SCAF4: variants seen among roughly 807,000 people sequenced by gnomAD.
SCAF4 encodes the protein SR-related and CTD-associated factor 4.
Under a neutral mutation model 129.8 loss-of-function variants are expected in SCAF4, and 25 were observed. That is an observed-to-expected ratio of 0.19 (90% CI 0.14 to 0.27). SCAF4 has a LOEUF of 0.27. SCAF4 is among the 10% of genes least tolerant of loss of function. SCAF4 has a pLI of 1.00. For synonymous variants in SCAF4, 551 were observed against 497.7 expected (o/e 1.11, Z -1.43); for missense variants, 1,246 against 1,457.1 (o/e 0.86, Z 2.36).
intron 19 of SCAF4, 39 bp downstream of exon 19, chr21:31,685,008 GGT>G (rs2050082754): frequency 1.5e-5 from 12 of 774,608 alleles, no homozygotes; most frequent in East Asian, 7.0e-5. Context: ...GTGGGGGGGG[GGT>G]GGGGCAAGGA....
intron 1 of SCAF4, among the ~76,000 whole-genome samples, chr21:31,708,298 C>G (rs537686684): frequency 6.6e-6 from 1 of 151,966 alleles, no homozygotes; most frequent in Non-Finnish European, 1.5e-5. Context: ...ATCGCTTGAA[C>G]CCAGGAGGCG....
At chr21:31,721,675 A>G (rs1720521558) in intron 1 of SCAF4, among the ~76,000 whole-genome samples, 1 of 152,108 alleles carries the variant, frequency 6.6e-6, no homozygotes, top group Non-Finnish European at 1.5e-5. Flanking sequence ...ACTAAATAAA[A>G]CAGCAAGACT....
intron 19 of SCAF4, 42 bp downstream of exon 19, chr21:31,684,999 TGGGGGGGG>T (rs367618143): frequency 4.3e-5 from 24 of 562,524 alleles, no homozygotes; most frequent in Non-Finnish European, 6.3e-5. Flanking sequence ...GGTGGGGGGG[TGGGGGGGG>T]GGTGGGGCAA....
chr21:31,696,745 C>T lies in SCAF4; in HGVS notation c.783G>A (p.Leu261=), dbSNP rs2050398613. ...PEQKTAFDKK[L]LDRFDYDDEP... ...CATCATCATAGTCAAATCTATCAAG[C>T]AACTTCTGGAATAATTATGTCAATA... is the stretch of plus-strand genomic sequence containing the variant. Residue 261 remains leucine (L), a synonymous_variant, in exon 8 of 20, where the codon TTG becomes TTA. Transcript: ENST00000286835. 6.2e-7 allele frequency: 1 copy of T among 1,601,496 alleles called. No homozygotes were observed. Among genetic ancestry groups the T allele is most frequent in the South Asian group, 1.1e-5 (1 of 90,448 alleles).
At chr21:31,699,666 TTA>T (rs1307055460) in intron 7 of SCAF4, among the ~76,000 whole-genome samples, 1 of 152,190 alleles carries the variant, frequency 6.6e-6, no homozygotes, top group African/African-American at 2.4e-5. Flanking sequence ...CCTTCTGTTT[TTA>T]TAGTTAGGAT....
chr21:31,698,737 G>T (rs185337340), intron 7 of SCAF4, among the ~76,000 whole-genome samples: 31 of 146,602 alleles, frequency 2.1e-4, no homozygotes, highest in Non-Finnish European at 4.7e-5. Flanking sequence ...ATCCTCAGCA[G>T]TGCAACAGAG....
intron 19 of SCAF4, among the ~76,000 whole-genome samples, chr21:31,681,308 G>C (rs2049989174): frequency 1.3e-5 from 2 of 152,176 alleles, no homozygotes; most frequent in Admixed American, 1.3e-4. Context: ...GTTTTTGCTT[G>C]AAAAGATATT....
intron 4 of SCAF4, among the ~76,000 whole-genome samples, chr21:31,703,460 A>G (rs1201030160): frequency 2.6e-5 from 4 of 152,096 alleles, no homozygotes; most frequent in Admixed American, 6.5e-5. Context: ...CTGAAATGTC[A>G]TACCTATTGA....
intron 1 of SCAF4, among the ~76,000 whole-genome samples, chr21:31,714,256 C>T (rs1469142319): frequency 1.3e-5 from 2 of 152,132 alleles, no homozygotes; most frequent in Admixed American, 6.6e-5. Flanking sequence ...GCTCCCCCAA[C>T]ATTATAGCCT....
At chr21:31,728,708 C>T (rs190539000) in intron 1 of SCAF4, among the ~76,000 whole-genome samples, 53 of 152,096 alleles carry the variant, frequency 3.5e-4, no homozygotes, top group African/African-American at 1.2e-3. Context: ...TTTTTCTCCC[C>T]CTTTCAATTT....
chr21:31,692,361 A>C lies in SCAF4; in HGVS notation c.1602T>G (p.Ile534Met). The C allele has an allele frequency of 6.2e-7, 1 of 1,612,492 alleles. No individual in the cohort carries two copies. Among genetic ancestry groups the C allele is most frequent in the Non-Finnish European group, 8.5e-7 (1 of 1,178,554 alleles). Residue 534 changes from isoleucine to methionine, a missense_variant, in exon 13 of 20, where the codon ATT becomes ATG. Ile to Met is a conservative substitution (Grantham distance 10). This residue lies in a region of SCAF4 where 468 missense variants were observed against 605.5 expected (regional missense o/e 0.77). Coordinates refer to ENST00000286835, the MANE Select transcript of SCAF4 (RefSeq NM_020706.2). ...VASLLEEFGPIESINMIPPRG... is the reference protein window; with the variant it reads ...VASLLEEFGPMESINMIPPRG... ...AATAAACACTCACATTAATTGATTC[A>C]ATTGGACCAAACTCTTCCAAGAGAC... is the stretch of plus-strand genomic sequence containing the variant.
chr21:31,671,189 CA>C lies in SCAF4; in HGVS notation c.*209del. 1 of 429,638 alleles carries C rather than the reference CA, an allele frequency of 2.3e-6. No homozygotes were observed. Among genetic ancestry groups the C allele is most frequent in the Non-Finnish European group, 4.0e-6 (1 of 251,278 alleles). 26.6% of individuals were successfully genotyped at this position (429,638 alleles called of 1,614,324 possible). A position where few individuals can be genotyped will look rare whatever the true frequency, so the allele number is the denominator to read the frequency against. On this transcript the variant is annotated 3_prime_UTR_variant, in exon 20 of 20. Coordinates refer to ENST00000286835, the MANE Select transcript of SCAF4 (RefSeq NM_020706.2). ...AGTCAAAACTTTTAAAAAGTTACAG[CA>C]AAAAGGGTAATATTTATTCATATTT...
intron 10 of SCAF4, among the ~76,000 whole-genome samples, 200 bp from the exon 11 acceptor site, chr21:31,694,489 A>G (rs935369648): frequency 6.6e-6 from 1 of 152,204 alleles, no homozygotes; most frequent in Non-Finnish European, 1.5e-5. Flanking sequence ...ATTGTTTAAA[A>G]GATTAAAAGA....
At chr21:31,719,033 G>A (rs538354787) in intron 1 of SCAF4, among the ~76,000 whole-genome samples, 10 of 152,300 alleles carry the variant, frequency 6.6e-5, no homozygotes, top group African/African-American at 2.2e-4. Flanking sequence ...GCTCATGCCC[G>A]TAATCCCAGC....
chr21:31,718,871 T>C lies in SCAF4; in HGVS notation c.31-12514A>G, dbSNP rs191815011. ...ACAATCTTGTTGACTTTTCTTCTAG[T>C]TCCGGAATTTAAAGAAATGTTTTAC... On this transcript the variant is annotated intron_variant, in intron 1 of 19. Transcript: ENST00000286835. Among the ~76,000 whole-genome samples, 413 of 152,332 alleles carry C rather than the reference T, an allele frequency of 2.7e-3. 1 individual carries two copies. Among genetic ancestry groups the C allele is most frequent in the African/African-American group, 9.3e-3 (386 of 41,586 alleles).
chr21:31,694,085 C>A, intron 11 of SCAF4, 119 bp downstream of exon 11: 1 of 582,970 alleles, frequency 1.7e-6, no homozygotes, highest in Non-Finnish European at 3.0e-6. Context: ...TATACAAATA[C>A]AAACATACCA....
intron 14 of SCAF4, 49 bp downstream of exon 14, chr21:31,691,768 C>A: frequency 1.1e-6 from 1 of 915,140 alleles, no homozygotes; most frequent in South Asian, 2.1e-5. Flanking sequence ...ATATTTTTCC[C>A]CTTCTGCCTA....
rs568650392 is a variant in SCAF4 at position 31,707,100 on chromosome 21, T to C, written c.31-743A>G. ...TACAACCAGAACAGAGTGTGGGATG[T>C]TGTATTATGGGAGGCTTTGACTGTC... On this transcript the variant is annotated intron_variant, in intron 1 of 19. Coordinates refer to ENST00000286835, the MANE Select transcript of SCAF4 (RefSeq NM_020706.2). Among the ~76,000 whole-genome samples, 228 of 152,298 alleles carry C rather than the reference T, an allele frequency of 1.5e-3. 1 individual carries two copies. The highest frequency in any genetic ancestry group is 5.2e-3 in the Admixed American group (79 of 15,296).
intron 1 of SCAF4, among the ~76,000 whole-genome samples, chr21:31,730,276 C>G (rs1476812645): frequency 6.6e-6 from 1 of 152,194 alleles, no homozygotes; most frequent in Non-Finnish European, 1.5e-5. Context: ...CACAAATTCT[C>G]TGGCGATCAA....
Sources: gnomAD v4.1 joint callset for allele counts (sites outside exome capture counted in the v4.1 genomes callset) on GRCh38, gnomAD v4.1.1 for gene constraint, gnomAD v4.1.1 regional missense constraint, MANE v1.5 for transcripts, NCBI Gene and HGNC (gene_info 2026-07-23, HGNC 2026-07-21) for gene names.